The following WWC2 variants were observed in gnomAD, a reference collection of about 807,000 sequenced individuals.
The protein encoded by WWC2 is protein WWC2.
A neutral mutation model predicts 138.5 loss-of-function variants in WWC2; 101 were observed. The observed-to-expected ratio is 0.73, with a 90% confidence interval of 0.62 to 0.86. WWC2 has a LOEUF of 0.86. Among genes scored for constraint, WWC2 ranks in the 40% least tolerant of loss-of-function variants. The pLI, the probability that WWC2 is intolerant of heterozygous loss-of-function variation, is 0.00. For synonymous variants in WWC2, 558 were observed against 538.4 expected (o/e 1.04, Z -0.50); for missense variants, 1,420 against 1,419.4 (o/e 1.00, Z -0.01).
intron 14 of WWC2, among the ~76,000 whole-genome samples, chr4:183,266,805 CTA>C (rs1004662878): frequency 1.3e-5 from 2 of 152,194 alleles, no homozygotes; most frequent in Non-Finnish European, 2.9e-5. Context: ...CCCCAAGACT[CTA>C]TACCCAGCCA....
chr4:183,196,670 A>AG (rs1023620058), intron 2 of WWC2, among the ~76,000 whole-genome samples: 12 of 152,108 alleles, frequency 7.9e-5, no homozygotes, highest in African/African-American at 2.9e-4. Flanking sequence ...GGAGGCCTTT[A>AG]GGAGGACCCT....
intron 21 of WWC2, among the ~76,000 whole-genome samples, chr4:183,311,390 A>C (rs1388441671): frequency 5.3e-5 from 8 of 152,100 alleles, no homozygotes; most frequent in Non-Finnish European, 4.4e-5. Flanking sequence ...AAGAAGCCAC[A>C]CCCTAAAGAG....
intron 2 of WWC2, among the ~76,000 whole-genome samples, chr4:183,204,465 G>A (rs1390031415): frequency 6.6e-6 from 1 of 152,172 alleles, no homozygotes; most frequent in Non-Finnish European, 1.5e-5. Flanking sequence ...AACCCACACG[G>A]CCTTACTCCC....
chr4:183,304,091 A>G (rs1172848041), intron 21 of WWC2, among the ~76,000 whole-genome samples: 1 of 152,116 alleles, frequency 6.6e-6, no homozygotes, highest in Non-Finnish European at 1.5e-5. Flanking sequence ...GAAGTCTTCA[A>G]TCTAACAGCA....
At chr4:183,236,951 G>T (rs930875738) in intron 4 of WWC2, among the ~76,000 whole-genome samples, 1 of 151,894 alleles carries the variant, frequency 6.6e-6, no homozygotes, top group Non-Finnish European at 1.5e-5. Flanking sequence ...TTTATAGCAG[G>T]GTTGTTCAAT....
chr4:183,255,651 G>C (rs1737111751), intron 9 of WWC2, among the ~76,000 whole-genome samples: 1 of 151,688 alleles, frequency 6.6e-6, no homozygotes, highest in South Asian at 2.1e-4. Context: ...TTCTGGCAGA[G>C]AAAGAAGACA....
At chr4:183,163,862 G>T (rs1156318676) in intron 1 of WWC2, among the ~76,000 whole-genome samples, 1 of 152,096 alleles carries the variant, frequency 6.6e-6, no homozygotes, top group Non-Finnish European at 1.5e-5. Context: ...ATTATAGTTA[G>T]AATTGAATCA....
chr4:183,111,717 C>T (rs565098821), intron 1 of WWC2, among the ~76,000 whole-genome samples: 20 of 150,542 alleles, frequency 1.3e-4, no homozygotes, highest in African/African-American at 2.9e-4. Context: ...TTTTTGATAC[C>T]GGGTCTCACT....
At chr4:183,229,855 T>A (rs1344769522) in intron 4 of WWC2, among the ~76,000 whole-genome samples, 2 of 152,092 alleles carry the variant, frequency 1.3e-5, no homozygotes, top group Non-Finnish European at 2.9e-5. Context: ...AGACAGAGTC[T>A]CGCTCTTTCG....
intron 1 of WWC2, among the ~76,000 whole-genome samples, chr4:183,166,200 C>G (rs981705511): frequency 1.3e-5 from 2 of 151,990 alleles, no homozygotes; most frequent in Admixed American, 6.6e-5. Flanking sequence ...GACACAGATA[C>G]TGAAAGCTTT....
intron 17 of WWC2, 174 bp downstream of exon 17, chr4:183,281,071 T>C: frequency 1.1e-6 from 1 of 905,098 alleles, no homozygotes; most frequent in South Asian, 2.6e-5. Flanking sequence ...AAGGAAGTAA[T>C]GGCAAGATTA....
chr4:183,292,801 T>A (rs2309871), intron 21 of WWC2, among the ~76,000 whole-genome samples: 107,576 of 152,048 alleles, frequency 0.71, 38,945 homozygotes, highest in Middle Eastern at 0.82. Context: ...AGATAAAGAT[T>A]CTATCAAAAG....
chr4:183,282,182 A>G (rs1490956924), intron 17 of WWC2, among the ~76,000 whole-genome samples: 1 of 152,206 alleles, frequency 6.6e-6, no homozygotes, highest in Non-Finnish European at 1.5e-5. Context: ...ACCACTTATA[A>G]TGCCACTTCA....
In WWC2 at chr4:183,284,318, G is replaced by A. The variant is rs567675910; in HGVS notation, c.2976G>A (p.Pro992=). The A allele has an allele frequency of 1.2e-5, 19 of 1,613,988 alleles. No homozygotes were observed. Among genetic ancestry groups the A allele is most frequent in the Admixed American group, 8.3e-5 (5 of 60,022 alleles). ...GCAGCCTGAGCTCTAGACAGCATCC[G>A]TTTGTGAGGAGCAGTGTGATAGTGC... The part of the protein sequence containing the change: ...ERSSLSSRQH[P]FVRSSVIVRS... The change falls in exon 19 of 23, where the codon CCG becomes CCA. Residue 992 remains proline, a synonymous_variant. Transcript: ENST00000403733.
At chr4:183,103,172 C>T (rs1282428530) in intron 1 of WWC2, among the ~76,000 whole-genome samples, 2 of 151,688 alleles carry the variant, frequency 1.3e-5, no homozygotes, top group African/African-American at 4.8e-5. Flanking sequence ...GTTGAGCAAC[C>T]TGTACCTTCT....
chr4:183,226,806 G>T (rs1736089106), intron 4 of WWC2, among the ~76,000 whole-genome samples: 1 of 152,006 alleles, frequency 6.6e-6, no homozygotes. Flanking sequence ...TCTCCTTCTA[G>T]TGATAACTAA....
chr4:183,297,789 G>A (rs1006326780), intron 21 of WWC2, among the ~76,000 whole-genome samples: 6 of 152,358 alleles, frequency 3.9e-5, no homozygotes, highest in Admixed American at 3.9e-4. Flanking sequence ...GGAGGAGATG[G>A]CCGCTAGTGT....
chr4:183,256,190 A>G (rs796419771), intron 9 of WWC2, among the ~76,000 whole-genome samples: 1 of 152,174 alleles, frequency 6.6e-6, no homozygotes, highest in Non-Finnish European at 1.5e-5. Flanking sequence ...ATCAGTGTCT[A>G]TGGCCAAAGG....
intron 6 of WWC2, among the ~76,000 whole-genome samples, chr4:183,246,601 C>T (rs1424209490): frequency 6.6e-6 from 1 of 152,072 alleles, no homozygotes; most frequent in Non-Finnish European, 1.5e-5. Flanking sequence ...TAAATAATTC[C>T]CTTGATCCTC....
Sources: allele counts gnomAD v4.1 joint callset (sites outside exome capture counted in the v4.1 genomes callset), GRCh38; gene constraint gnomAD v4.1.1; transcripts MANE v1.5; gene names NCBI Gene and HGNC (gene_info 2026-07-23, HGNC 2026-07-21).